Variants in SLIT1 observed in about 807,000 individuals in gnomAD.
The protein encoded by SLIT1 is slit guidance ligand 1, also known as slit homolog 1 protein.
A neutral mutation model predicts 186.1 loss-of-function variants in SLIT1; 66 were observed. That is an observed-to-expected ratio of 0.35 (90% CI 0.29 to 0.44). SLIT1 has a LOEUF of 0.44. Ranked by LOEUF, SLIT1 falls within the 20% of genes least tolerant of loss-of-function variation. The pLI is 1.00. For synonymous variants in SLIT1, 761 were observed against 833.8 expected (o/e 0.91, Z 1.50); for missense variants, 1,638 against 2,037.4 (o/e 0.80, Z 3.77).
chr10:97,003,038 T>G, intron 34 of SLIT1, 46 bp from the exon 35 acceptor site: 1 of 1,571,176 alleles, frequency 6.4e-7, no homozygotes, highest in Non-Finnish European at 8.7e-7. Context: ...AAGCTCGGGC[T>G]ATGCCGGGCA....
At chr10:97,087,788 C>T (rs899613883) in intron 4 of SLIT1, among the ~76,000 whole-genome samples, 3 of 152,118 alleles carry the variant, frequency 2.0e-5, no homozygotes, top group African/African-American at 7.2e-5. Flanking sequence ...GAGCTGGGCG[C>T]TGGGGGGATG....
In SLIT1 at chr10:97,043,496, C is replaced by G. The variant is rs144117966; in HGVS notation, c.1871G>C (p.Arg624Pro). The G allele has an allele frequency of 1.2e-6, 2 of 1,611,368 alleles. No individual in the cohort carries two copies. The highest frequency in any genetic ancestry group is 1.7e-6 in the Non-Finnish European group (2 of 1,178,682). The change falls in exon 19 of 37, where the codon CGC (arginine) becomes CCC (proline). Residue 624 changes from arginine to proline, a missense_variant. Coordinates refer to ENST00000266058, the MANE Select transcript of SLIT1 (RefSeq NM_003061.3). The surrounding 1 kb of genome is among the most constrained non-coding windows in gnomAD (Gnocchi z 7.0). ...GLRTLMLRNN[R>P]ISCIHNDSFT... ...GCTGTCGTTGTGGATGCAGCTGATGCGGTTGTTCCGCAGCATTCTGGGGAG... is the reference window on the plus strand; with the variant it reads ...GCTGTCGTTGTGGATGCAGCTGATGGGGTTGTTCCGCAGCATTCTGGGGAG...
chr10:97,141,790 C>CTGTAT (rs1403690325), intron 4 of SLIT1, among the ~76,000 whole-genome samples: 2 of 149,926 alleles, frequency 1.3e-5, no homozygotes, highest in Non-Finnish European at 3.0e-5. Flanking sequence ...TTGTATTGTA[C>CTGTAT]TGTATTGTAT....
chr10:97,068,559 C>T lies in SLIT1; in HGVS notation c.414-2473G>A, dbSNP rs1848972710. On this transcript the variant is annotated intron_variant, in intron 4 of 36. Transcript: ENST00000266058. The surrounding 1 kb of genome is among the most constrained non-coding windows in gnomAD (Gnocchi z 4.2). ...GCTCTCTCTCTCCTGGATGTAGGCC[C>T]CATCTCCTGGAGGGGAGATGGTTCA... Among the ~76,000 whole-genome samples the T allele has an allele frequency of 6.6e-6, 1 of 152,090 alleles. No homozygotes were observed. Among genetic ancestry groups the T allele is most frequent in the Non-Finnish European group, 1.5e-5 (1 of 67,998 alleles).
In SLIT1 at chr10:97,023,868, G is replaced by A. The variant is rs114915174; in HGVS notation, c.2583-2455C>T. Among the ~76,000 whole-genome samples, 871 of 152,260 alleles carry A rather than the reference G, an allele frequency of 5.7e-3. 6 individuals are homozygous for A. Among genetic ancestry groups the A allele is most frequent in the African/African-American group, 0.02 (843 of 41,550 alleles). ...TGAGGCAGGACAATCACTTAACCCG[G>A]GAGGGGGAGGTTGCAGTGAGCTGAG... On this transcript the variant is annotated intron_variant, in intron 25 of 36. Coordinates refer to ENST00000266058, the MANE Select transcript of SLIT1 (RefSeq NM_003061.3).
chr10:97,059,590 G>T, intron 10 of SLIT1, 59 bp from the exon 11 acceptor site: 1 of 1,312,364 alleles, frequency 7.6e-7, no homozygotes, highest in Non-Finnish European at 1.1e-6. Flanking sequence ...ACTAAGCCCT[G>T]CCCAGTCCCC....
chr10:97,034,308 G>C (rs1589369227), intron 23 of SLIT1, among the ~76,000 whole-genome samples, 163 bp downstream of exon 23: 1 of 152,182 alleles, frequency 6.6e-6, no homozygotes. Context: ...CACAATGAAA[G>C]ATGTTTTTTC....
At position 97,022,344 on chromosome 10, in the gene SLIT1, C is replaced by T. The variant is rs1255727246; in HGVS notation, c.2583-931G>A. Among the ~76,000 whole-genome samples the T allele has an allele frequency of 1.3e-5, 2 of 152,224 alleles. No homozygotes were observed. Among genetic ancestry groups the T allele is most frequent in the Non-Finnish European group, 2.9e-5 (2 of 68,048 alleles). On this transcript the variant is annotated intron_variant, in intron 25 of 36. Transcript: ENST00000266058. This position sits in a 1 kb window ranked among gnomAD's most constrained non-coding sequence, Gnocchi z 4.2. ...GAACACATGAATGCATTCTCATTGT[C>T]AGCCACTTTCAAGCATTGCAGACAA...
intron 2 of SLIT1, among the ~76,000 whole-genome samples, chr10:97,164,213 TC>T (rs1448368989): frequency 6.6e-6 from 1 of 152,204 alleles, no homozygotes; most frequent in Admixed American, 6.5e-5. Flanking sequence ...CCTGCATCTG[TC>T]CCTCTCCACC....
intron 4 of SLIT1, among the ~76,000 whole-genome samples, chr10:97,106,801 T>A (rs374912982): frequency 7.0e-4 from 107 of 152,280 alleles, no homozygotes; most frequent in African/African-American, 2.5e-3. Flanking sequence ...CTGGCAGAGT[T>A]CATACTTTGA....
chr10:97,082,306 G>A (rs574863461), intron 4 of SLIT1, among the ~76,000 whole-genome samples: 32 of 151,118 alleles, frequency 2.1e-4, no homozygotes, highest in Non-Finnish European at 4.3e-4. Flanking sequence ...GTTATTAGTG[G>A]TGGTGGTGGT....
At chr10:97,029,969 AT>A (rs1589367662) in intron 25 of SLIT1, among the ~76,000 whole-genome samples, 1 of 152,200 alleles carries the variant, frequency 6.6e-6, no homozygotes, top group East Asian at 1.9e-4. Flanking sequence ...GAACTTCATC[AT>A]TTTTATGGCC....
chr10:97,104,168 T>C (rs968854654), intron 4 of SLIT1, among the ~76,000 whole-genome samples: 3 of 151,936 alleles, frequency 2.0e-5, no homozygotes. Context: ...GGGAAGGCCT[T>C]TGATCAAAGA....
intron 4 of SLIT1, among the ~76,000 whole-genome samples, chr10:97,104,652 C>A (rs1475939674): frequency 6.6e-6 from 1 of 152,076 alleles, no homozygotes; most frequent in Non-Finnish European, 1.5e-5. Context: ...CCAGCCCCCA[C>A]CCCACCACAC....
intron 11 of SLIT1, among the ~76,000 whole-genome samples, chr10:97,058,327 G>T (rs1352389719): frequency 6.6e-6 from 1 of 152,194 alleles, no homozygotes; most frequent in African/African-American, 2.4e-5. Flanking sequence ...GTTCCTATAT[G>T]CAGGGAGGTG....
chr10:97,002,262 G>C lies in SLIT1; in HGVS notation c.4262C>G (p.Pro1421Arg), dbSNP rs1848316722. The change falls in exon 36 of 37, where the codon CCC (proline) becomes CGC (arginine). Residue 1421 changes from proline (P) to arginine (R), a missense_variant. Coordinates refer to ENST00000266058, the MANE Select transcript of SLIT1 (RefSeq NM_003061.3). ...ATGCAGGCACTGCAGGCCTCTGCAG[G>C]GCTCTGCCAGGGCCCCGGCCTGGTT... ...LCNQAGALAE[P>R]CRGLQCLHGH... 6.2e-7 allele frequency: 1 copy of C among 1,604,974 alleles called. No individual in the cohort carries two copies. The highest frequency in any genetic ancestry group is 2.2e-5 in the East Asian group (1 of 44,574).
intron 4 of SLIT1, among the ~76,000 whole-genome samples, chr10:97,098,226 CG>C (rs1002179159): frequency 6.6e-5 from 10 of 152,170 alleles, no homozygotes; most frequent in African/African-American, 2.4e-4. Context: ...CGGGATGACC[CG>C]GGGGGCTAAG....
intron 1 of SLIT1, among the ~76,000 whole-genome samples, chr10:97,173,250 C>T (rs1490463573): frequency 5.3e-5 from 8 of 152,334 alleles, no homozygotes; most frequent in East Asian, 3.9e-4. Context: ...CCAGGGTAGC[C>T]GGTGGAACGG....
chr10:97,166,569 G>GAGAGAGAGAGAA (rs1444883867), intron 1 of SLIT1, among the ~76,000 whole-genome samples: 1 of 58,912 alleles, frequency 1.7e-5, no homozygotes. Flanking sequence ...GAGAGAGAGA[G>GAGAGAGAGAGAA]AGAAAGAAAG....
Sources: allele counts gnomAD v4.1 joint callset (sites outside exome capture counted in the v4.1 genomes callset), GRCh38; gene constraint gnomAD v4.1.1; non-coding constraint Gnocchi (gnomAD v3.1); transcripts MANE v1.5; gene names NCBI Gene and HGNC (gene_info 2026-07-23, HGNC 2026-07-21).